The following ASTN2 variants were observed in gnomAD, a reference collection of about 807,000 sequenced individuals.
ASTN2 encodes astrotactin-2.
Under a neutral mutation model 139.8 loss-of-function variants are expected in ASTN2, and 54 were observed. The observed-to-expected ratio is 0.39, with a 90% CI of 0.31 to 0.48. The LOEUF (loss-of-function observed/expected upper bound fraction) is 0.48, where lower values mean the gene tolerates loss of function less well. Among genes scored for constraint, ASTN2 ranks in the 20% least tolerant of loss-of-function variants. The probability of loss-of-function intolerance (pLI) is 0.95; values close to 1 mark genes in which losing one functional copy is unlikely to be tolerated. For synonymous variants in ASTN2, 756 were observed against 719.5 expected (o/e 1.05, Z -0.81); for missense variants, 1,565 against 1,725.1 (o/e 0.91, Z 1.64).
At chr9:116,874,791 T>C (rs976212093) in intron 10 of ASTN2, among the ~76,000 whole-genome samples, 3 of 152,194 alleles carry the variant, frequency 2.0e-5, no homozygotes, top group African/African-American at 7.2e-5. Context: ...TTCTTAAAGA[T>C]TGAAGGTCGG....
intron 19 of ASTN2, 69 bp from the exon 20 acceptor site, chr9:116,487,569 C>A: frequency 6.9e-7 from 1 of 1,452,806 alleles, no homozygotes; most frequent in Middle Eastern, 1.8e-4. Flanking sequence ...TTGCTGTCAT[C>A]CAAACCTATC....
intron 4 of ASTN2, among the ~76,000 whole-genome samples, chr9:117,102,231 T>A (rs116034717): frequency 0.029 from 4,383 of 152,264 alleles, 204 homozygotes; most frequent in African/African-American, 0.097. Context: ...TGCTACAATG[T>A]GGATGAATGT....
chr9:116,596,463 C>A (rs1854583829), intron 19 of ASTN2, among the ~76,000 whole-genome samples: 1 of 152,196 alleles, frequency 6.6e-6, no homozygotes. Flanking sequence ...TGTACACACA[C>A]ACACACATAA....
At chr9:117,280,108 A>G (rs1481571808) in intron 2 of ASTN2, among the ~76,000 whole-genome samples, 2 of 152,002 alleles carry the variant, frequency 1.3e-5, no homozygotes, top group East Asian at 3.9e-4. Context: ...AACACTTTTG[A>G]CCATTGCTTG....
At chr9:116,499,070 C>T (rs537450561) in intron 19 of ASTN2, among the ~76,000 whole-genome samples, 12 of 152,284 alleles carry the variant, frequency 7.9e-5, no homozygotes, top group African/African-American at 2.6e-4. Context: ...CTGCACCACC[C>T]CGACTAATGC....
At chr9:117,343,042 C>T (rs1587965327) in intron 1 of ASTN2, among the ~76,000 whole-genome samples, 1 of 152,328 alleles carries the variant, frequency 6.6e-6, no homozygotes, top group East Asian at 1.9e-4. Context: ...CTGCATCTCA[C>T]ACTCACTTCA....
chr9:116,660,483 A>C (rs566573107), intron 16 of ASTN2, among the ~76,000 whole-genome samples: 1 of 152,318 alleles, frequency 6.6e-6, no homozygotes, highest in South Asian at 2.1e-4. Flanking sequence ...AAATGCTAAT[A>C]ATTTTAGTAC....
At chr9:116,750,726 T>C (rs1376679758) in intron 13 of ASTN2, among the ~76,000 whole-genome samples, 1 of 152,118 alleles carries the variant, frequency 6.6e-6, no homozygotes, top group Non-Finnish European at 1.5e-5. Context: ...AACAGTCCTG[T>C]CATAAGTTGG....
At chr9:117,326,648 G>A (rs991848011) in intron 1 of ASTN2, among the ~76,000 whole-genome samples, 68 of 152,254 alleles carry the variant, frequency 4.5e-4, no homozygotes, top group African/African-American at 1.1e-3. Flanking sequence ...TGTATTAGAG[G>A]ATTGAAATTG....
At chr9:117,222,755 A>C (rs888841066) in intron 2 of ASTN2, among the ~76,000 whole-genome samples, 1 of 151,912 alleles carries the variant, frequency 6.6e-6, no homozygotes, top group Admixed American at 6.6e-5. Context: ...TATCCTCTGC[A>C]CTCCCACAGC....
intron 22 of ASTN2, among the ~76,000 whole-genome samples, chr9:116,430,753 A>G (rs1847470524): frequency 6.6e-6 from 1 of 152,250 alleles, no homozygotes; most frequent in Admixed American, 6.5e-5. Flanking sequence ...TGCATTTAGA[A>G]AACAAAGAAG....
chr9:117,084,961 T>G (rs1044899040), intron 5 of ASTN2, among the ~76,000 whole-genome samples: 5 of 152,208 alleles, frequency 3.3e-5, no homozygotes, highest in African/African-American at 1.2e-4. Context: ...CCCTGACAGC[T>G]CTTCTTCCCA....
intron 2 of ASTN2, among the ~76,000 whole-genome samples, chr9:117,254,075 T>C (rs1189865192): frequency 6.6e-6 from 1 of 152,108 alleles, no homozygotes; most frequent in Non-Finnish European, 1.5e-5. Flanking sequence ...AACGCCAGCT[T>C]TGCTTTTACT....
intron 6 of ASTN2, among the ~76,000 whole-genome samples, chr9:117,030,421 GC>G (rs1467763339): frequency 2.0e-5 from 3 of 152,314 alleles, no homozygotes; most frequent in African/African-American, 7.2e-5. Flanking sequence ...GACTCAATCT[GC>G]TATCAAAACA....
chr9:116,487,360 T>G lies in ASTN2; in HGVS notation c.3496A>C (p.Lys1166Gln). 1 of 1,613,930 alleles carries G rather than the reference T, an allele frequency of 6.2e-7. No homozygotes were observed. Among genetic ancestry groups the G allele is most frequent in the Non-Finnish European group, 8.5e-7 (1 of 1,179,904 alleles). Residue 1166 changes from lysine to glutamine, a missense_variant and splice_region_variant, in exon 20 of 23, where the codon AAG becomes CAG. By Grantham distance (53) the Lys-to-Gln change is moderately conservative. Transcript: ENST00000313400. ...FKCLEPDGLYKFTLYAVDTRG... is the reference protein window; with the variant it reads ...FKCLEPDGLYQFTLYAVDTRG... ...CCCCACACACCCAACACATCTTACT[T>G]GTAGAGACCGTCGGGCTCCAGACAC...
At chr9:117,132,415 A>G (rs1299548824) in intron 4 of ASTN2, among the ~76,000 whole-genome samples, 1 of 106,256 alleles carries the variant, frequency 9.4e-6, no homozygotes, top group Admixed American at 1.1e-4. Context: ...CATTATTACC[A>G]TTCTACTGAA....
intron 1 of ASTN2, among the ~76,000 whole-genome samples, chr9:117,337,399 A>G (rs1434992872): frequency 6.6e-6 from 1 of 152,152 alleles, no homozygotes; most frequent in Non-Finnish European, 1.5e-5. Context: ...GAGAAATAAA[A>G]AGAGAGGTCA....
chr9:117,242,733 C>A (rs1207233564), intron 2 of ASTN2, among the ~76,000 whole-genome samples: 1 of 152,168 alleles, frequency 6.6e-6, no homozygotes, highest in African/African-American at 2.4e-5. Flanking sequence ...AGAAGACTTC[C>A]CTAAGGGAGT....
intron 5 of ASTN2, among the ~76,000 whole-genome samples, chr9:117,044,082 C>A (rs1374947308): frequency 6.6e-6 from 1 of 151,996 alleles, no homozygotes; most frequent in African/African-American, 2.4e-5. Flanking sequence ...TAATGCCAAG[C>A]AAAGATTTGG....
Sources: gnomAD v4.1 joint callset for allele counts (sites outside exome capture counted in the v4.1 genomes callset) on GRCh38, gnomAD v4.1.1 for gene constraint, MANE v1.5 for transcripts, NCBI Gene and HGNC (gene_info 2026-07-23, HGNC 2026-07-21) for gene names.